CFAP54: variants seen among roughly 807,000 people sequenced by gnomAD.
The protein encoded by CFAP54 is cilia and flagella associated protein 54.
A neutral mutation model predicts 370.4 loss-of-function variants in CFAP54; 290 were observed. That is an observed-to-expected ratio of 0.78 (90% CI 0.71 to 0.86). The LOEUF (loss-of-function observed/expected upper bound fraction) is 0.86, where lower values mean the gene tolerates loss of function less well. Among genes scored for constraint, CFAP54 ranks in the 40% least tolerant of loss-of-function variants. CFAP54 has a pLI of 0.00. For missense variants in CFAP54, 3,399 were observed against 3,528.7 expected (o/e 0.96, Z 0.93); for synonymous variants, 1,206 against 1,236.5 (o/e 0.98, Z 0.52).
chr12:96,628,744 G>A (rs932408355), intron 30 of CFAP54, among the ~76,000 whole-genome samples: 1 of 152,114 alleles, frequency 6.6e-6, no homozygotes, highest in African/African-American at 2.4e-5. Flanking sequence ...CAAAACTGGA[G>A]CGAAGGGACC....
chr12:96,503,460 T>G (rs558513064), intron 2 of CFAP54, among the ~76,000 whole-genome samples: 13 of 136,622 alleles, frequency 9.5e-5, no homozygotes, highest in Admixed American at 3.1e-4. Flanking sequence ...TTTGTTTCTC[T>G]CTCGCTCGCT....
rs1316322331 is a variant in CFAP54, at chr12:96,489,974, C to G, written c.317+48C>G. The G allele has an allele frequency of 2.0e-6, 3 of 1,474,874 alleles. No homozygotes were observed. The African/African-American group carries it at 4.2e-5, about 21-fold the overall frequency. The allele number at this position is 1,474,874 out of a possible 1,614,324, so 91.4% of individuals were successfully genotyped here. On this transcript the variant is annotated intron_variant, in intron 1 of 67. Coordinates refer to ENST00000524981, the MANE Select transcript of CFAP54 (RefSeq NM_001306084.2). ...GGAGGGCGCCGGCCAGAGGAGGGAC[C>G]CCTGGAAAGGGCTGGAGGATGCAGG...
intron 65 of CFAP54, among the ~76,000 whole-genome samples, chr12:96,828,607 A>C (rs1244522297): frequency 6.6e-6 from 1 of 152,062 alleles, no homozygotes; most frequent in African/African-American, 2.4e-5. Flanking sequence ...ACATGGCTGC[A>C]TCCATGCAGC....
At chr12:96,605,246 G>A (rs1956288389) in intron 26 of CFAP54, among the ~76,000 whole-genome samples, 1 of 152,192 alleles carries the variant, frequency 6.6e-6, no homozygotes, top group African/African-American at 2.4e-5. Context: ...TGTGATTTTA[G>A]TGGAACCTGC....
Position 96,503,792 on chromosome 12 carries a change from A to G in CFAP54, c.424-94A>G, listed in dbSNP as rs78052422. 9 of 1,117,376 alleles carry G rather than the reference A, an allele frequency of 8.1e-6. No individual in the cohort carries two copies. In the African/African-American group the frequency reaches 1.3e-4, roughly 16 times the overall value. 69.2% of individuals were successfully genotyped at this position (1,117,376 alleles called of 1,614,324 possible). The stretch of plus-strand genomic sequence containing the variant: ...AGTAATGGTATAATTGTAATAATCA[A>G]CCTTGATACTATTAGGAATAATATG... On this transcript the variant is annotated intron_variant, in intron 2 of 67. Coordinates refer to ENST00000524981, the MANE Select transcript of CFAP54 (RefSeq NM_001306084.2).
chr12:96,512,844 G>T, intron 4 of CFAP54, 142 bp from the exon 5 acceptor site: 1 of 384,162 alleles, frequency 2.6e-6, no homozygotes, highest in Admixed American at 4.5e-5. Context: ...AAATTATGAT[G>T]AGTATAACTC....
chr12:96,569,418 T>G (rs1592855707), intron 19 of CFAP54, among the ~76,000 whole-genome samples: 1 of 152,316 alleles, frequency 6.6e-6, no homozygotes, highest in Middle Eastern at 3.4e-3. Flanking sequence ...AAATTATTGC[T>G]TAGGAAAATA....
chr12:96,761,166 G>T (rs1351322139), intron 58 of CFAP54, among the ~76,000 whole-genome samples: 1 of 152,136 alleles, frequency 6.6e-6, no homozygotes, highest in Non-Finnish European at 1.5e-5. Flanking sequence ...ATGCTAGTAG[G>T]TATGAAGTGG....
chr12:96,552,606 A>G (rs988318444), intron 15 of CFAP54, among the ~76,000 whole-genome samples: 4 of 152,122 alleles, frequency 2.6e-5, no homozygotes, highest in Non-Finnish European at 4.4e-5. Context: ...GGCCTCCCCA[A>G]GTGTTGGGGT....
At chr12:96,643,028 A>G (rs1565925618) in intron 32 of CFAP54, among the ~76,000 whole-genome samples, 1 of 152,180 alleles carries the variant, frequency 6.6e-6, no homozygotes, top group Non-Finnish European at 1.5e-5. Context: ...GGCAAGGAAG[A>G]TGCAACCGAT....
intron 34 of CFAP54, among the ~76,000 whole-genome samples, chr12:96,649,619 T>A (rs560080219): frequency 6.6e-6 from 1 of 152,362 alleles, no homozygotes; most frequent in African/African-American, 2.4e-5. Context: ...ACATTCCTAC[T>A]TCTGCATTGT....
rs561619366 is a variant in CFAP54 at position 96,565,537 on chromosome 12, A to T, written c.2619+772A>T. Reference sequence around the variant, plus strand: ...AAAGTAGGTCAAAGCTAGGAGGGGGATATGGAGCTAAAGGGGTTTAATGAG... The same window carrying T: ...AAAGTAGGTCAAAGCTAGGAGGGGGTTATGGAGCTAAAGGGGTTTAATGAG... On this transcript the variant is annotated intron_variant, in intron 19 of 67. Transcript: ENST00000524981. 3.9e-5 allele frequency among the ~76,000 whole-genome samples: 6 copies of T among 152,232 alleles called. No individual in the cohort carries two copies. The East Asian group carries it at 9.7e-4, about 24-fold the overall frequency.
chr12:96,642,228 CA>C (rs1167612937), intron 32 of CFAP54, among the ~76,000 whole-genome samples: 1 of 152,042 alleles, frequency 6.6e-6, no homozygotes, highest in Non-Finnish European at 1.5e-5. Flanking sequence ...GACATGCTTC[CA>C]TCATTTTTTT....
At chr12:96,704,244 G>A (rs936967128) in intron 46 of CFAP54, among the ~76,000 whole-genome samples, 2 of 151,498 alleles carry the variant, frequency 1.3e-5, no homozygotes, top group South Asian at 4.2e-4. Context: ...TGGCTAACAC[G>A]GTGAAACCCC....
intron 39 of CFAP54, among the ~76,000 whole-genome samples, chr12:96,665,797 T>C (rs1957073752): frequency 6.6e-6 from 1 of 152,204 alleles, no homozygotes; most frequent in Non-Finnish European, 1.5e-5. Flanking sequence ...ATCTTGGCTA[T>C]TCAGGCTCTT....
chr12:96,827,046 A>G (rs1441686214), intron 65 of CFAP54, among the ~76,000 whole-genome samples: 3 of 139,182 alleles, frequency 2.2e-5, no homozygotes, highest in East Asian at 2.3e-4. Context: ...ATAATATGCA[A>G]TTATATGTGA....
At chr12:96,551,794 G>C (rs1405538347) in intron 15 of CFAP54, among the ~76,000 whole-genome samples, 1 of 152,134 alleles carries the variant, frequency 6.6e-6, no homozygotes, top group Non-Finnish European at 1.5e-5. Flanking sequence ...AAGACCTTGA[G>C]TAAATGCTAT....
At chr12:96,583,879 T>C (rs1303116215) in intron 22 of CFAP54, among the ~76,000 whole-genome samples, 2 of 152,208 alleles carry the variant, frequency 1.3e-5, no homozygotes, top group Non-Finnish European at 2.9e-5. Flanking sequence ...TCCTCTTCTC[T>C]TTAACCCTCT....
At chr12:96,664,374 C>T (rs1368767194) in intron 39 of CFAP54, among the ~76,000 whole-genome samples, 2 of 151,996 alleles carry the variant, frequency 1.3e-5, no homozygotes, top group Non-Finnish European at 2.9e-5. Flanking sequence ...TAAGTGAGGA[C>T]ATGTGGTATT....
Sources: allele counts gnomAD v4.1 joint callset (sites outside exome capture counted in the v4.1 genomes callset), GRCh38; gene constraint gnomAD v4.1.1; transcripts MANE v1.5; gene names NCBI Gene and HGNC (gene_info 2026-07-23, HGNC 2026-07-21).